Variants in DIDO1 observed in about 807,000 individuals in gnomAD.
DIDO1 encodes the protein death inducer-obliterator 1.
A neutral mutation model predicts 99.4 loss-of-function variants in DIDO1; 16 were observed. The observed-to-expected ratio is 0.16, with a 90% confidence interval of 0.11 to 0.24. The LOEUF (loss-of-function observed/expected upper bound fraction) is 0.24. DIDO1 is among the 10% of genes least tolerant of loss of function. DIDO1 has a pLI of 1.00. For missense variants in DIDO1, 2,996 were observed against 3,014.0 expected (o/e 0.99, Z 0.14); for synonymous variants, 1,366 against 1,239.1 (o/e 1.10, Z -2.15).
At position 62,889,765 on chromosome 20, in the gene DIDO1, T is replaced by A. The variant is rs1250907765; in HGVS notation, c.3541+1195A>T. 3.0e-6 allele frequency: 3 copies of A among 985,444 alleles called. No homozygotes were observed. The African/African-American group carries it at 5.2e-5, about 17-fold the overall frequency. The allele number at this position is 985,444 out of a possible 1,614,324, so 61.0% of individuals were successfully genotyped here. A position where few individuals can be genotyped will look rare whatever the true frequency, so the allele number is the denominator to read the frequency against. On this transcript the variant is annotated intron_variant, in intron 15 of 15. Transcript: ENST00000395343. ...GGCATCTCTTTATCCCAAGTAGGAT[T>A]TGAGGGGACACACTAAAGCACTTTG...
In DIDO1 at chr20:62,880,831, C is replaced by G. The variant is rs754960044; in HGVS notation, c.5125G>C (p.Ala1709Pro). 12 of 1,612,722 alleles carry G rather than the reference C, an allele frequency of 7.4e-6. No homozygotes were observed. The highest frequency in any genetic ancestry group is 8.5e-6 in the Non-Finnish European group (10 of 1,180,008). ...QYEDPRNLHS[A>P]GRSSSPAGET... is the part of the protein sequence containing the mutation. ...CCTGCAGGGCTGCTGCTCCTTCCAG[C>G]AGAATGAAGATTTCTTGGGTCCTCA... Residue 1709 changes from alanine (A) to proline (P), a missense_variant, in exon 16 of 16, where the codon GCT becomes CCT. Ala to Pro is a conservative substitution (Grantham distance 27). Coordinates refer to ENST00000395343, the MANE Select transcript of DIDO1 (RefSeq NM_001193369.2).
At chr20:62,908,218 T>G (rs2064849621) in intron 4 of DIDO1, among the ~76,000 whole-genome samples, 1 of 152,166 alleles carries the variant, frequency 6.6e-6, no homozygotes, top group Non-Finnish European at 1.5e-5. Flanking sequence ...TGGCCTCAAG[T>G]GATCCTCCCA....
At chr20:62,919,738 G>A (rs1050724839) in intron 1 of DIDO1, among the ~76,000 whole-genome samples, 1 of 152,212 alleles carries the variant, frequency 6.6e-6, no homozygotes, top group Non-Finnish European at 1.5e-5. Flanking sequence ...GCCAGCCCCC[G>A]GCTACAGCCG....
At chr20:62,907,020 A>G in intron 5 of DIDO1, 127 bp downstream of exon 5, 3 of 920,982 alleles carry the variant, frequency 3.3e-6, no homozygotes, top group Non-Finnish European at 5.1e-6. Context: ...ACAAAGGTCA[A>G]GGCGACACCA....
chr20:62,882,000 T>A lies in DIDO1; in HGVS notation c.3956A>T (p.Gln1319Leu), dbSNP rs1441066593. 1 of 1,613,534 alleles carries A rather than the reference T, an allele frequency of 6.2e-7. No individual in the cohort carries two copies. The highest frequency in any genetic ancestry group is 2.2e-5 in the East Asian group (1 of 44,886). The part of the protein sequence containing the change: ...KTASPLEHIL[Q>L]TLFGKKKSFD... ...TGATTTCTTCTTTCCAAAGAGAGTC[T>A]GCAGGATGTGCTCCAGCGGTGATGC... is the stretch of plus-strand genomic sequence containing the variant. The change falls in exon 16 of 16, where the codon CAG becomes CTG. Residue 1319 changes from glutamine to leucine, a missense_variant. By Grantham distance (113) the Gln-to-Leu change is moderately radical. This residue lies in a region of DIDO1 where 1,562 missense variants were observed against 1,412.6 expected (regional missense o/e 1.11). Transcript: ENST00000395343. The surrounding 1 kb of genome is among the most constrained non-coding windows in gnomAD (Gnocchi z 8.3).
At chr20:62,935,570 A>G (rs2065374077) in intron 1 of DIDO1, among the ~76,000 whole-genome samples, 1 of 152,172 alleles carries the variant, frequency 6.6e-6, no homozygotes, top group African/African-American at 2.4e-5. Context: ...AGCAGGAGTT[A>G]GCCTAGGGAA....
intron 6 of DIDO1, chr20:62,905,277 A>AGT (rs1328442669): frequency 7.3e-7 from 1 of 1,370,676 alleles, no homozygotes; most frequent in African/African-American, 1.5e-5. Context: ...ATGAAGCAGG[A>AGT]GTGTGTGGCC....
At chr20:62,899,547 A>G (rs2064615739) in intron 6 of DIDO1, among the ~76,000 whole-genome samples, 1 of 152,174 alleles carries the variant, frequency 6.6e-6, no homozygotes, top group African/African-American at 2.4e-5. Flanking sequence ...GTTTTAGGGC[A>G]CTCCCAGTAC....
At chr20:62,926,893 G>GT (rs2147597562), upstream of DIDO1, among the ~76,000 whole-genome samples, 1 of 152,280 alleles carries the variant, frequency 6.6e-6, no homozygotes, top group Admixed American at 6.5e-5. Flanking sequence ...GGCTAAATTT[G>GT]TAAGAGGTGT....
chr20:62,936,635 G>A (rs1365993047), intron 1 of DIDO1, among the ~76,000 whole-genome samples: 1 of 152,178 alleles, frequency 6.6e-6, no homozygotes, highest in Admixed American at 6.5e-5. Context: ...GGAGTCCGAG[G>A]CGGGCGGATC....
chr20:62,903,719 C>T (rs2064737360), intron 6 of DIDO1, among the ~76,000 whole-genome samples: 1 of 152,194 alleles, frequency 6.6e-6, no homozygotes, highest in African/African-American at 2.4e-5. Context: ...GTGTCGTCCC[C>T]ATTCCCATCC....
intron 2 of DIDO1, among the ~76,000 whole-genome samples, chr20:62,913,226 G>A (rs1334155113): frequency 3.3e-5 from 5 of 151,940 alleles, no homozygotes; most frequent in African/African-American, 1.2e-4. Flanking sequence ...TTGGAGATAA[G>A]GGACACATCA....
At chr20:62,918,122 A>G (rs2065071568) in intron 1 of DIDO1, among the ~76,000 whole-genome samples, 1 of 152,274 alleles carries the variant, frequency 6.6e-6, no homozygotes, top group Non-Finnish European at 1.5e-5. Context: ...TCACCAAAAC[A>G]GTAAGCAGCC....
Position 62,894,957 on chromosome 20 carries a change from A to C in DIDO1, c.2332-43T>G. 1 of 1,603,740 alleles carries C rather than the reference A, an allele frequency of 6.2e-7. No homozygotes were observed. The highest frequency in any genetic ancestry group is 8.5e-7 in the Non-Finnish European group (1 of 1,172,446). On this transcript the variant is annotated intron_variant, in intron 9 of 15. Transcript: ENST00000395343. This position sits in a 1 kb window ranked among gnomAD's most constrained non-coding sequence, Gnocchi z 4.4. ...AAACAGAGCTTAGGCCTTGTTTTCT[A>C]GGAGGAAAGCATCGCTTATGCAGCC... is the stretch of plus-strand genomic sequence containing the variant.
chr20:62,920,553 C>T (rs2065118838), intron 1 of DIDO1, among the ~76,000 whole-genome samples: 1 of 152,230 alleles, frequency 6.6e-6, no homozygotes, highest in Admixed American at 6.5e-5. Flanking sequence ...CACAGCTTAT[C>T]TTCCTAAAAG....
At chr20:62,926,997 TGGG>T (rs1255087645), upstream of DIDO1, among the ~76,000 whole-genome samples, 1 of 152,158 alleles carries the variant, frequency 6.6e-6, no homozygotes, top group Non-Finnish European at 1.5e-5. Flanking sequence ...CGGCCTCGGC[TGGG>T]AATGGCAGCG....
At chr20:62,888,698 C>T in intron 15 of DIDO1, 1 of 985,524 alleles carries the variant, frequency 1.0e-6, no homozygotes, top group Non-Finnish European at 1.2e-6. Context: ...CACATTTACA[C>T]CACAAAGCCA....
At position 62,907,230 on chromosome 20, in the gene DIDO1, A is replaced by C; in HGVS notation, c.1291T>G (p.Ser431Ala). The C allele has an allele frequency of 6.2e-7, 1 of 1,614,134 alleles. No individual in the cohort carries two copies. Among genetic ancestry groups the C allele is most frequent in the South Asian group, 1.1e-5 (1 of 91,084 alleles). ...GGCTTTGGCTTCTGTTCTTTACCTG[A>C]GCTTAGAAACTTCATTGTCGCTGCG... ...HAAATMKFLS[S>A]GKEQKPKPKE... The change falls in exon 5 of 16, where the codon TCA (serine) becomes GCA (alanine). Residue 431 changes from serine (S) to alanine (A), a missense_variant. By Grantham distance (99) the Ser-to-Ala change is moderately conservative (BLOSUM62 1). This residue lies in a region of DIDO1 where 898 missense variants were observed against 972.7 expected (regional missense o/e 0.92). Transcript: ENST00000395343.
intron 6 of DIDO1, among the ~76,000 whole-genome samples, chr20:62,902,181 G>A (rs1454331418): frequency 2.0e-5 from 3 of 152,114 alleles, no homozygotes; most frequent in African/African-American, 7.2e-5. Context: ...CACCGTGCAG[G>A]GTCACGGTTA....
Sources: gnomAD v4.1 joint callset for allele counts (sites outside exome capture counted in the v4.1 genomes callset) on GRCh38, gnomAD v4.1.1 for gene constraint, gnomAD v4.1.1 regional missense constraint, Gnocchi (gnomAD v3.1) non-coding constraint, MANE v1.5 for transcripts, NCBI Gene and HGNC (gene_info 2026-07-23, HGNC 2026-07-21) for gene names.